The following MAP4K5 variants were observed in gnomAD, a reference collection of about 807,000 sequenced individuals.
The protein encoded by MAP4K5 is mitogen-activated protein kinase kinase kinase kinase 5.
Under a neutral mutation model 135.6 loss-of-function variants are expected in MAP4K5, and 82 were observed. The observed-to-expected ratio is 0.60, with a 90% confidence interval of 0.51 to 0.73. The LOEUF is 0.73. Ranked by LOEUF, MAP4K5 falls within the 30% of genes least tolerant of loss-of-function variation. The pLI, the probability that MAP4K5 is intolerant of heterozygous loss-of-function variation, is 0.00. For synonymous variants in MAP4K5, 347 were observed against 335.0 expected, an observed-to-expected ratio of 1.04 and a Z score of -0.39; for missense variants, 907 against 1,010.9, an observed-to-expected ratio of 0.90 and a Z score of 1.39.
intron 9 of MAP4K5, among the ~76,000 whole-genome samples, chr14:50,473,946 G>A (rs111907614): frequency 1.1e-3 from 169 of 151,958 alleles, no homozygotes; most frequent in Non-Finnish European, 2.1e-3. Context: ...GGATGGTCTC[G>A]ATCTCCTGAC....
intron 30 of MAP4K5, among the ~76,000 whole-genome samples, chr14:50,426,369 A>C (rs2035847048): frequency 6.6e-6 from 1 of 152,220 alleles, no homozygotes; most frequent in South Asian, 2.1e-4. Context: ...TTACATATTC[A>C]GAAGTAGCTT....
intron 1 of MAP4K5, among the ~76,000 whole-genome samples, chr14:50,555,277 G>A (rs905888151): frequency 3.2e-5 from 3 of 94,850 alleles, no homozygotes; most frequent in Non-Finnish European, 7.0e-5. Flanking sequence ...GTTTTGTTTT[G>A]TTTTGTTTGT....
Position 50,462,681 on chromosome 14 carries a change from T to A in MAP4K5, c.920A>T (p.Asp307Val). Residue 307 changes from aspartate (D) to valine (V), a missense_variant, in exon 13 of 33, where the codon GAT becomes GTT. By Grantham distance (152) the Asp-to-Val change is radical. Around this residue, in one of 3 missense-constraint regions of MAP4K5, gnomAD observed 690 missense variants for 777.4 expected, o/e 0.89. Transcript: ENST00000682126. Reference protein sequence around the residue: ...PDNHAHYTEADDDDFEPHAII... With the variant: ...PDNHAHYTEAVDDDFEPHAII... ...CTTCCTTACCTCAAAGTCATCGTCA[T>A]CTGCTTCAGTGTAATGTGCGTGGTT... The A allele has an allele frequency of 6.2e-7, 1 of 1,603,794 alleles. No homozygotes were observed. The highest frequency in any genetic ancestry group is 8.5e-7 in the Non-Finnish European group (1 of 1,175,812).
intron 2 of MAP4K5, among the ~76,000 whole-genome samples, chr14:50,540,254 A>G (rs1253376382): frequency 6.6e-6 from 1 of 152,226 alleles, no homozygotes; most frequent in Admixed American, 6.5e-5. Flanking sequence ...TTAATCCCTG[A>G]GTCTCTAGGA....
chr14:50,486,165 T>C lies in MAP4K5; in HGVS notation c.196A>G (p.Ile66Val), dbSNP rs2037359695. 1.4e-6 allele frequency: 2 copies of C among 1,394,518 alleles called. No individual in the cohort carries two copies. Among genetic ancestry groups the C allele is most frequent in the Admixed American group, 2.3e-5 (1 of 43,796 alleles). The allele number at this position is 1,394,518 out of a possible 1,614,324, so 86.4% of individuals were successfully genotyped here. A position where few individuals can be genotyped will look rare whatever the true frequency, so the allele number is the denominator to read the frequency against. Residue 66 changes from isoleucine (I) to valine (V), a missense_variant, in exon 4 of 33, where the codon ATA (isoleucine) becomes GTA (valine). By Grantham distance (29) the Ile-to-Val change is conservative (BLOSUM62 3). Around this residue, in one of 3 missense-constraint regions of MAP4K5, gnomAD observed 196 missense variants for 189.3 expected, o/e 1.04. Transcript: ENST00000682126. ...TGTTTACATTCTTTAACCATAAATA[T>C]TTCTTGTTGAATCAAAGAAAAATCA... ...GDDFSLIQQEIFMVKECKHCN... is the reference protein window; with the variant it reads ...GDDFSLIQQEVFMVKECKHCN...
intron 32 of MAP4K5, among the ~76,000 whole-genome samples, chr14:50,421,177 C>T (rs1204723951): frequency 2.0e-5 from 3 of 152,054 alleles, no homozygotes; most frequent in Non-Finnish European, 2.9e-5. Context: ...CCAGAGTTAA[C>T]TGTTATTAAA....
chr14:50,519,660 T>C (rs760327778), intron 2 of MAP4K5, among the ~76,000 whole-genome samples: 1 of 151,110 alleles, frequency 6.6e-6, no homozygotes, highest in African/African-American at 2.4e-5. Flanking sequence ...TCTCAAAAAA[T>C]AAATAAAATA....
chr14:50,536,948 A>G (rs949440041), upstream of MAP4K5, among the ~76,000 whole-genome samples: 1 of 152,230 alleles, frequency 6.6e-6, no homozygotes, highest in Non-Finnish European at 1.5e-5. Context: ...AGAAAATCCC[A>G]TTTTCTGAGG....
chr14:50,475,985 G>C (rs1419812566), intron 8 of MAP4K5, 143 bp downstream of exon 8: 3 of 462,054 alleles, frequency 6.5e-6, no homozygotes, highest in Non-Finnish European at 1.1e-5. Context: ...TAAAATTACT[G>C]GATCAAAAGT....
At chr14:50,476,847 A>G (rs2037112105) in intron 6 of MAP4K5, among the ~76,000 whole-genome samples, 1 of 152,170 alleles carries the variant, frequency 6.6e-6, no homozygotes, top group South Asian at 2.1e-4. Context: ...ATTACTCCTA[A>G]AAGTTTCCTT....
intron 3 of MAP4K5, among the ~76,000 whole-genome samples, chr14:50,500,400 T>A (rs2037683376): frequency 2.0e-5 from 3 of 152,162 alleles, no homozygotes; most frequent in Admixed American, 2.0e-4. Flanking sequence ...GAAAAACAGT[T>A]ACCTCAGGCA....
chr14:50,556,746 A>C (rs912277763), intron 1 of MAP4K5, among the ~76,000 whole-genome samples: 1 of 152,180 alleles, frequency 6.6e-6, no homozygotes, highest in African/African-American at 2.4e-5. Flanking sequence ...ATCATATAAT[A>C]TGTGGTCTTT....
chr14:50,480,647 C>T (rs1270893759), intron 6 of MAP4K5, among the ~76,000 whole-genome samples: 1 of 152,132 alleles, frequency 6.6e-6, no homozygotes, highest in Non-Finnish European at 1.5e-5. Context: ...TTTATAAACT[C>T]ATGCTCACAT....
Position 50,464,091 on chromosome 14 carries a change from T to C in MAP4K5, c.780A>G (p.Lys260=). The change falls in exon 12 of 33, where the codon AAA becomes AAG. Residue 260 remains lysine (K), a synonymous_variant. Transcript: ENST00000682126. ...FHNFVKIALT[K]NPKKRPTAER... ...CAGCAGTTGGTCTTTTTTTTGGGTTTTTGGTTAGTGCTATTTTGACAAAAT... is the reference window on the plus strand; with the variant it reads ...CAGCAGTTGGTCTTTTTTTTGGGTTCTTGGTTAGTGCTATTTTGACAAAAT... The C allele has an allele frequency of 6.5e-7, 1 of 1,548,528 alleles. No homozygotes were observed. Among genetic ancestry groups the C allele is most frequent in the Non-Finnish European group, 8.7e-7 (1 of 1,143,498 alleles).
intron 3 of MAP4K5, among the ~76,000 whole-genome samples, chr14:50,491,001 C>T (rs952226507): frequency 6.6e-6 from 1 of 152,134 alleles, no homozygotes. Context: ...TGGAGTAAGT[C>T]GGTTGCACCC....
Position 50,434,556 on chromosome 14 carries a change from A to C in MAP4K5, c.2002T>G (p.Leu668Val). Residue 668 changes from leucine to valine, a missense_variant, in exon 28 of 33, where the codon TTG (leucine) becomes GTG (valine). Physicochemically the swap from Leu to Val is conservative, Grantham distance 32 (BLOSUM62 1). This residue lies in a region of MAP4K5 where 690 missense variants were observed against 777.4 expected (regional missense o/e 0.89). Transcript: ENST00000682126. ...TCAAAAACATTCAAAGGACTTGGCAAAGGAAAATCAAAGTGCTGCAAAAAA... is the reference window on the plus strand; with the variant it reads ...TCAAAAACATTCAAAGGACTTGGCACAGGAAAATCAAAGTGCTGCAAAAAA... ...FMLIKHFDFP[L>V]PSPLNVFEML... The C allele has an allele frequency of 6.3e-7, 1 of 1,588,294 alleles. No individual in the cohort carries two copies. The highest frequency in any genetic ancestry group is 8.6e-7 in the Non-Finnish European group (1 of 1,166,584).
intron 9 of MAP4K5, among the ~76,000 whole-genome samples, chr14:50,474,713 A>T (rs1433205799): frequency 6.6e-6 from 1 of 152,182 alleles, no homozygotes; most frequent in East Asian, 1.9e-4. Context: ...AAACCTAGAC[A>T]TCCTGCACAT....
At chr14:50,428,098 G>C (rs1032714829) in intron 30 of MAP4K5, among the ~76,000 whole-genome samples, 24 of 152,184 alleles carry the variant, frequency 1.6e-4, no homozygotes, top group African/African-American at 5.8e-4. Flanking sequence ...ATGATGGTCT[G>C]AACCTGCACT....
At chr14:50,472,557 C>T (rs1341073629) in intron 9 of MAP4K5, 3 of 152,088 alleles carry the variant, frequency 2.0e-5, no homozygotes, top group Non-Finnish European at 2.9e-5. Flanking sequence ...AAATATAAAA[C>T]TCATACTGGG....
Sources: gnomAD v4.1 joint callset for allele counts (sites outside exome capture counted in the v4.1 genomes callset) on GRCh38, gnomAD v4.1.1 for gene constraint, gnomAD v4.1.1 regional missense constraint, MANE v1.5 for transcripts, NCBI Gene and HGNC (gene_info 2026-07-23, HGNC 2026-07-21) for gene names.